The following ADCY7 variants were observed in gnomAD, a reference collection of about 807,000 sequenced individuals.
ADCY7 encodes the protein adenylate cyclase type 7.
Under a neutral mutation model 120.6 loss-of-function variants are expected in ADCY7, and 72 were observed. That is an observed-to-expected ratio of 0.60 (90% CI 0.49 to 0.73). The LOEUF is 0.73. ADCY7 is among the 30% of genes least tolerant of loss of function. The pLI is 0.00. For missense variants in ADCY7, 1,227 were observed against 1,486.0 expected, an observed-to-expected ratio of 0.83 and a Z score of 2.87; for synonymous variants, 661 against 628.0, an observed-to-expected ratio of 1.05 and a Z score of -0.78.
chr16:50,300,140 G>C (rs998921990), intron 8 of ADCY7, among the ~76,000 whole-genome samples: 1 of 152,092 alleles, frequency 6.6e-6, no homozygotes, highest in Non-Finnish European at 1.5e-5. Context: ...AGCGTATCTC[G>C]GTTCACCACA....
chr16:50,292,682 G>A lies in ADCY7; in HGVS notation c.544G>A (p.Ala182Thr). 1.2e-6 allele frequency: 2 copies of A among 1,613,730 alleles called. No homozygotes were observed. The highest frequency in any genetic ancestry group is 8.5e-7 in the Non-Finnish European group (1 of 1,179,890). The change falls in exon 5 of 26, where the codon GCC becomes ACC. Residue 182 changes from alanine to threonine, a missense_variant. Physicochemically the swap from Ala to Thr is moderately conservative, Grantham distance 58. Coordinates refer to ENST00000673801, the MANE Select transcript of ADCY7 (RefSeq NM_001114.5). The stretch of plus-strand genomic sequence containing the variant: ...AACCCCTGTCTACCCGCAGCTGCTG[G>A]CCAACGCAGTCATCTTCCTGTGTGG... ...PSVRVGLQLLANAVIFLCGNL... is the reference protein window; with the variant it reads ...PSVRVGLQLLTNAVIFLCGNL...
Position 50,315,031 on chromosome 16 carries a change from G to A in ADCY7, c.2989G>A (p.Val997Met). The A allele has an allele frequency of 6.2e-7, 1 of 1,614,250 alleles. No homozygotes were observed. The highest frequency in any genetic ancestry group is 8.5e-7 in the Non-Finnish European group (1 of 1,180,040). The change falls in exon 25 of 26, where the codon GTG becomes ATG. Residue 997 changes from valine to methionine, a missense_variant. Val to Met is a conservative substitution (Grantham distance 21). Coordinates refer to ENST00000673801, the MANE Select transcript of ADCY7 (RefSeq NM_001114.5). ...RLRVGINHGP[V>M]IAGVIGARKP... ...ATCTTCAGGCATAAACCATGGGCCT[G>A]TGATTGCTGGAGTGATTGGGGCCCG...
At chr16:50,310,363 T>G in intron 18 of ADCY7, 1 of 1,149,424 alleles carries the variant, frequency 8.7e-7, no homozygotes, top group Non-Finnish European at 1.3e-6. Flanking sequence ...AGAGGTCCTT[T>G]GGGAGGGTAA....
At chr16:50,291,238 G>A (rs1459608904) in intron 3 of ADCY7, among the ~76,000 whole-genome samples, 1 of 152,076 alleles carries the variant, frequency 6.6e-6, no homozygotes, top group South Asian at 2.1e-4. Flanking sequence ...GCTGGGGCAG[G>A]GTGGGGTGAG....
At chr16:50,279,111 A>G (rs1027026514) in intron 1 of ADCY7, among the ~76,000 whole-genome samples, 6 of 152,098 alleles carry the variant, frequency 3.9e-5, no homozygotes, top group African/African-American at 1.4e-4. Flanking sequence ...GCCTCAAGCT[A>G]TCCACCTGCC....
chr16:50,305,949 C>A, intron 14 of ADCY7, 100 bp downstream of exon 14: 1 of 1,182,416 alleles, frequency 8.5e-7, no homozygotes, highest in Non-Finnish European at 1.2e-6. Flanking sequence ...TTCCCAAGAC[C>A]GGCTAGGGGA....
chr16:50,312,976 C>T lies in ADCY7; in HGVS notation c.2691C>T (p.Val897=). Residue 897 remains valine (V), a synonymous_variant, in exon 22 of 26, where the codon GTC becomes GTT. Transcript: ENST00000673801. ...AAGTGTTCTACACAGAGTGCGATGTCAACAAAGAAGGGCTGGAGTGCCTAC... is the reference window on the plus strand; with the variant it reads ...AAGTGTTCTACACAGAGTGCGATGTTAACAAAGAAGGGCTGGAGTGCCTAC... ...DFKVFYTECD[V]NKEGLECLRL... is the part of the protein sequence containing the mutation. 1 of 1,614,198 alleles carries T rather than the reference C, an allele frequency of 6.2e-7. No individual in the cohort carries two copies. The highest frequency in any genetic ancestry group is 8.5e-7 in the Non-Finnish European group (1 of 1,180,044).
chr16:50,273,646 G>T (rs1036430979), intron 1 of ADCY7, among the ~76,000 whole-genome samples: 1 of 152,246 alleles, frequency 6.6e-6, no homozygotes, highest in Non-Finnish European at 1.5e-5. Context: ...GCTAGAATAG[G>T]CCATGGAGCG....
chr16:50,314,068 C>G lies in ADCY7; in HGVS notation c.2856+6C>G. The G allele has an allele frequency of 6.2e-7, 1 of 1,612,800 alleles. No homozygotes were observed. The highest frequency in any genetic ancestry group is 8.5e-7 in the Non-Finnish European group (1 of 1,178,946). ...CCTCAGGGCACGAGAACCAGGTACT[C>G]AAGCCCAAGAGGTGAAATTCAGCTG... On this transcript the variant is annotated splice_donor_region_variant and intron_variant, in intron 23 of 25. Coordinates refer to ENST00000673801, the MANE Select transcript of ADCY7 (RefSeq NM_001114.5).
chr16:50,264,677 A>G (rs2033145331), upstream of ADCY7, among the ~76,000 whole-genome samples: 1 of 152,004 alleles, frequency 6.6e-6, no homozygotes, highest in Non-Finnish European at 1.5e-5. Flanking sequence ...TGGAATCTCT[A>G]TATGGTTTTA....
rs112665460 is a variant in ADCY7 at position 50,297,261 on chromosome 16, C to T, written c.949-1643C>T. ...AAGCTCTTTCCAAGAGCCAGGGCCT[C>T]CTCTCTCAGAGGCATACAAGTCACA... On this transcript the variant is annotated intron_variant, in intron 7 of 25. Transcript: ENST00000673801. The surrounding 1 kb of genome is among the most constrained non-coding windows in gnomAD (Gnocchi z 4.4). 0.019 allele frequency among the ~76,000 whole-genome samples: 2,834 copies of T among 151,776 alleles called. 89 individuals are homozygous for T. Among genetic ancestry groups the T allele is most frequent in the African/African-American group, 0.064 (2,670 of 41,396 alleles).
At chr16:50,253,601 A>G (rs766353778) in intron 1 of ADCY7, among the ~76,000 whole-genome samples, 2 of 152,204 alleles carry the variant, frequency 1.3e-5, no homozygotes, top group Non-Finnish European at 2.9e-5. Flanking sequence ...GGCTGGACCC[A>G]GGTTTGTGGT....
At chr16:50,262,990 G>A (rs1036898509), upstream of ADCY7, among the ~76,000 whole-genome samples, 2 of 152,240 alleles carry the variant, frequency 1.3e-5, no homozygotes, top group Admixed American at 1.3e-4. Flanking sequence ...TGGGGTTAGG[G>A]GTAGCCTGTC....
intron 1 of ADCY7, among the ~76,000 whole-genome samples, chr16:50,255,711 C>A (rs1168676649): frequency 6.6e-6 from 1 of 152,166 alleles, no homozygotes; most frequent in Non-Finnish European, 1.5e-5. Context: ...AGGCTGGTCT[C>A]GAACTCCTGA....
chr16:50,252,713 C>T (rs1249157006), intron 1 of ADCY7, among the ~76,000 whole-genome samples: 1 of 152,218 alleles, frequency 6.6e-6, no homozygotes, highest in African/African-American at 2.4e-5. Flanking sequence ...GCCAGAGTTT[C>T]TGCCTCCTGG....
At chr16:50,303,331 C>T (rs1054801428) in intron 10 of ADCY7, among the ~76,000 whole-genome samples, 1 of 152,184 alleles carries the variant, frequency 6.6e-6, no homozygotes, top group Non-Finnish European at 1.5e-5. Flanking sequence ...ATGTTTCTAT[C>T]CCAAAAGGAG....
intron 22 of ADCY7, chr16:50,313,432 CAACAAA>C (rs371260185): frequency 5.5e-4 from 91 of 164,708 alleles, no homozygotes; most frequent in African/African-American, 2.0e-3. Context: ...ACAACAACAA[CAACAAA>C]AAAAAAACGA....
At chr16:50,305,471 G>A (rs969850487) in intron 12 of ADCY7, 32 bp from the exon 13 acceptor site, 1 of 1,599,892 alleles carries the variant, frequency 6.3e-7, no homozygotes, top group Non-Finnish European at 8.6e-7. Context: ...GGTGGTCGCT[G>A]TGCTGATGCA....
In ADCY7 at chr16:50,297,429, AGAG is replaced by A. The variant is rs1259998610; in HGVS notation, c.949-1471_949-1469del. On this transcript the variant is annotated intron_variant, in intron 7 of 25. Coordinates refer to ENST00000673801, the MANE Select transcript of ADCY7 (RefSeq NM_001114.5). The surrounding 1 kb of genome is among the most constrained non-coding windows in gnomAD (Gnocchi z 4.4). Reference sequence around the variant, plus strand: ...CATGGGCAGTCCTGTGCCTGGTCCGAGAGGAGATCAGGGTAGCTGGAGCCTAGT... The same window carrying A: ...CATGGGCAGTCCTGTGCCTGGTCCGAGAGATCAGGGTAGCTGGAGCCTAGT... Among the ~76,000 whole-genome samples the A allele has an allele frequency of 1.3e-5, 2 of 152,110 alleles. No homozygotes were observed. Among genetic ancestry groups the A allele is most frequent in the East Asian group, 1.9e-4 (1 of 5,188 alleles).
Sources: allele counts gnomAD v4.1 joint callset (sites outside exome capture counted in the v4.1 genomes callset), GRCh38; gene constraint gnomAD v4.1.1; non-coding constraint Gnocchi (gnomAD v3.1); transcripts MANE v1.5; gene names NCBI Gene and HGNC (gene_info 2026-07-23, HGNC 2026-07-21).